Variants in PPARGC1A observed in about 807,000 individuals in gnomAD.
The protein encoded by PPARGC1A is PPARG coactivator 1 alpha, also known as peroxisome proliferator-activated receptor gamma coactivator 1-alpha.
PPARGC1A carries 25 observed loss-of-function variants against 88.7 expected under a neutral mutation model. That is an observed-to-expected ratio of 0.28 (90% CI 0.21 to 0.39). The LOEUF (loss-of-function observed/expected upper bound fraction) is 0.39, where lower values mean the gene tolerates loss of function less well. Among genes scored for constraint, PPARGC1A ranks in the 10% least tolerant of loss-of-function variants. The pLI, the probability that PPARGC1A is intolerant of heterozygous loss-of-function variation, is 1.00. For synonymous variants in PPARGC1A, 363 were observed against 355.6 expected, an observed-to-expected ratio of 1.02 and a Z score of -0.24; for missense variants, 880 against 968.7, an observed-to-expected ratio of 0.91 and a Z score of 1.22.
intron 7 of PPARGC1A, 42 bp downstream of exon 7, chr4:23,824,238 C>A: frequency 6.6e-7 from 1 of 1,521,130 alleles, no homozygotes; most frequent in Non-Finnish European, 9.1e-7. Flanking sequence ...CACACATATA[C>A]AGACAGACAC....
the PPARGC1A span, among the ~76,000 whole-genome samples, chr4:24,455,112 C>T: frequency 3.9e-5 from 6 of 152,276 alleles, no homozygotes; most frequent in South Asian, 4.2e-4. Flanking sequence ...GAGTCCCAAA[C>T]ATTTGGGAAT....
In PPARGC1A at chr4:23,853,060, T is replaced by C. The variant is rs573965158; in HGVS notation, c.235-21309A>G. 4.4e-4 allele frequency among the ~76,000 whole-genome samples: 67 copies of C among 152,320 alleles called. 1 individual carries two copies. In the South Asian group the frequency reaches 8.1e-3, roughly 18 times the overall value. On this transcript the variant is annotated intron_variant, in intron 2 of 12. Coordinates refer to ENST00000264867, the MANE Select transcript of PPARGC1A (RefSeq NM_013261.5). Reference sequence around the variant, plus strand: ...TTCCTTTCACAGGTTTTCCTTTTTATATAAGAAATTTGTAAAAGAATTTTT... The same window carrying C: ...TTCCTTTCACAGGTTTTCCTTTTTACATAAGAAATTTGTAAAAGAATTTTT...
chr4:24,282,777 C>T, the PPARGC1A span, among the ~76,000 whole-genome samples: 8 of 152,206 alleles, frequency 5.3e-5, no homozygotes, highest in Admixed American at 3.3e-4. Context: ...GCACTTGCTC[C>T]GGCTGCTTGC....
the PPARGC1A span, among the ~76,000 whole-genome samples, chr4:24,349,160 G>C: frequency 6.6e-6 from 1 of 152,200 alleles, no homozygotes; most frequent in East Asian, 1.9e-4. Context: ...CCCTCTATGG[G>C]TCCCTCAGCC....
At chr4:24,444,222 A>G in the PPARGC1A span, among the ~76,000 whole-genome samples, 2 of 151,804 alleles carry the variant, frequency 1.3e-5, no homozygotes, top group East Asian at 2.0e-4. Flanking sequence ...TAATAGTGAC[A>G]GGGTTTCGCC....
chr4:24,050,041 C>T, the PPARGC1A span, among the ~76,000 whole-genome samples: 4 of 152,064 alleles, frequency 2.6e-5, no homozygotes, highest in African/African-American at 9.7e-5. Context: ...AATGTTCATT[C>T]TGTGATTTTC....
the PPARGC1A span, among the ~76,000 whole-genome samples, chr4:24,305,833 G>T: frequency 1.3e-5 from 2 of 152,044 alleles, no homozygotes; most frequent in Non-Finnish European, 2.9e-5. Flanking sequence ...TAAAAAGAGG[G>T]TGGCCATTAT....
chr4:23,969,168 G>A, the PPARGC1A span, among the ~76,000 whole-genome samples: 6 of 152,300 alleles, frequency 3.9e-5, no homozygotes, highest in East Asian at 1.2e-3. Context: ...GTGAGTCTAA[G>A]ATTCAAGTCT....
At chr4:23,886,068 G>A (rs1716829111) in intron 1 of PPARGC1A, among the ~76,000 whole-genome samples, 1 of 152,050 alleles carries the variant, frequency 6.6e-6, no homozygotes, top group Admixed American at 6.5e-5. Context: ...AACACTGCAG[G>A]AACTCCTATT....
the PPARGC1A span, among the ~76,000 whole-genome samples, chr4:24,251,254 A>G: frequency 6.6e-6 from 1 of 152,212 alleles, no homozygotes; most frequent in Non-Finnish European, 1.5e-5. Flanking sequence ...ATCTTGCGCA[A>G]GTTACTTAAC....
At chr4:24,115,127 C>A in the PPARGC1A span, among the ~76,000 whole-genome samples, 13 of 152,112 alleles carry the variant, frequency 8.5e-5, no homozygotes, top group South Asian at 4.1e-4. Context: ...CTTTGTCTTG[C>A]CCATGTAATA....
At chr4:23,987,518 C>G in the PPARGC1A span, among the ~76,000 whole-genome samples, 3 of 151,956 alleles carry the variant, frequency 2.0e-5, no homozygotes, top group Admixed American at 6.6e-5. Context: ...CAGCATCCAC[C>G]TAATTTCTGT....
chr4:23,997,353 T>C, the PPARGC1A span, among the ~76,000 whole-genome samples: 1 of 152,132 alleles, frequency 6.6e-6, no homozygotes. Context: ...AAATCCTTTT[T>C]TTTATCTAAG....
chr4:23,854,928 T>C (rs1729918787), intron 2 of PPARGC1A, among the ~76,000 whole-genome samples: 1 of 152,178 alleles, frequency 6.6e-6, no homozygotes, highest in Admixed American at 6.5e-5. Flanking sequence ...CCCACTGATA[T>C]GATTTGGCTG....
the PPARGC1A span, among the ~76,000 whole-genome samples, chr4:24,063,377 C>A: frequency 1.3e-5 from 2 of 152,128 alleles, no homozygotes; most frequent in African/African-American, 4.8e-5. Flanking sequence ...CTGTTTTCTT[C>A]CGTTTAAACA....
intron 2 of PPARGC1A, among the ~76,000 whole-genome samples, chr4:23,862,835 C>T (rs1731471309): frequency 6.6e-6 from 1 of 152,100 alleles, no homozygotes; most frequent in Admixed American, 6.5e-5. Flanking sequence ...AGTTTATTTG[C>T]CAAATAAACA....
At chr4:23,991,611 A>G in the PPARGC1A span, among the ~76,000 whole-genome samples, 1 of 152,084 alleles carries the variant, frequency 6.6e-6, no homozygotes, top group East Asian at 1.9e-4. Context: ...CTTGACCTGC[A>G]TCATCTCAGC....
the PPARGC1A span, among the ~76,000 whole-genome samples, chr4:24,442,446 C>A: frequency 6.6e-6 from 1 of 152,082 alleles, no homozygotes; most frequent in Admixed American, 6.6e-5. Flanking sequence ...TACAAGCATG[C>A]AAAATGAAGT....
chr4:23,817,472 C>A (rs1004383473), intron 7 of PPARGC1A, among the ~76,000 whole-genome samples: 1 of 152,108 alleles, frequency 6.6e-6, no homozygotes, highest in Non-Finnish European at 1.5e-5. Flanking sequence ...AGGGACTTCA[C>A]AATCGATTTT....
Sources: gnomAD v4.1 joint callset for allele counts (sites outside exome capture counted in the v4.1 genomes callset) on GRCh38, gnomAD v4.1.1 for gene constraint, MANE v1.5 for transcripts, NCBI Gene and HGNC (gene_info 2026-07-23, HGNC 2026-07-21) for gene names.